Variants in EIF3A observed in about 807,000 individuals in gnomAD.
EIF3A encodes eukaryotic translation initiation factor 3 subunit A.
In EIF3A, 21 loss-of-function variants were observed where a neutral mutation model predicts 186.6. That is an observed-to-expected ratio of 0.11 (90% CI 0.08 to 0.16). EIF3A has a LOEUF of 0.16. EIF3A is among the 10% of genes least tolerant of loss of function. The probability of loss-of-function intolerance (pLI) is 1.00; values close to 1 mark genes in which losing one functional copy is unlikely to be tolerated. For synonymous variants in EIF3A, 563 were observed against 584.3 expected (o/e 0.96, Z 0.52); for missense variants, 1,306 against 1,796.3 (o/e 0.73, Z 4.93).
intron 7 of EIF3A, among the ~76,000 whole-genome samples, chr10:119,062,366 C>T (rs1358466100): frequency 6.6e-6 from 1 of 152,208 alleles, no homozygotes. Context: ...TTAAAAGTCA[C>T]TCTTAGGAAT....
chr10:119,044,115 C>G lies in EIF3A; in HGVS notation c.2686G>C (p.Glu896Gln). ...KDSRWGDRDSEGTWRKGPEAD... is the reference protein window; with the variant it reads ...KDSRWGDRDSQGTWRKGPEAD... Reference sequence around the variant, plus strand: ...TCAGGTCCTTTTCTCCAGGTGCCTTCTGAATCTCTATCTCCCCAACGAGAG... The same window carrying G: ...TCAGGTCCTTTTCTCCAGGTGCCTTGTGAATCTCTATCTCCCCAACGAGAG... The change falls in exon 18 of 22, where the codon GAA becomes CAA. Residue 896 changes from glutamate (E) to glutamine (Q), a missense_variant. Physicochemically the swap from Glu to Gln is conservative, Grantham distance 29 (BLOSUM62 2). Around this residue, in one of 8 missense-constraint regions of EIF3A, gnomAD observed 410 missense variants for 473.5 expected, o/e 0.87. Coordinates refer to ENST00000369144, the MANE Select transcript of EIF3A (RefSeq NM_003750.4). 1.9e-6 allele frequency: 3 copies of G among 1,614,040 alleles called. No homozygotes were observed. The highest frequency in any genetic ancestry group is 2.5e-6 in the Non-Finnish European group (3 of 1,179,880).
Position 119,080,790 on chromosome 10 carries a change from C to A in EIF3A, c.-114G>T. The A allele has an allele frequency of 7.0e-7, 1 of 1,437,830 alleles. No individual in the cohort carries two copies. Among genetic ancestry groups the A allele is most frequent in the Non-Finnish European group, 9.2e-7 (1 of 1,091,268 alleles). 89.1% of individuals were successfully genotyped at this position (1,437,830 alleles called of 1,614,324 possible). On this transcript the variant is annotated 5_prime_UTR_variant, in exon 1 of 22. Transcript: ENST00000369144. ...CCCACGCGCCTCGCCAGCAGTCGCC[C>A]GCGCCCAGCCGGCCAGAGACGGAAA... is the stretch of plus-strand genomic sequence containing the variant.
chr10:119,064,457 T>C (rs10787903), intron 7 of EIF3A, among the ~76,000 whole-genome samples: 75,795 of 151,886 alleles, frequency 0.5, 20,232 homozygotes, highest in Middle Eastern at 0.67. Context: ...ACCATCCCCG[T>C]AGGCCCATCC....
At chr10:119,040,397 T>TGGACAGTGATGCCCCTGAA (rs1848192011) in intron 19 of EIF3A, among the ~76,000 whole-genome samples, 1 of 152,158 alleles carries the variant, frequency 6.6e-6, no homozygotes, top group East Asian at 1.9e-4. Context: ...GACAGTTAGA[T>TGGACAGTGATGCCCCTGAA]GGACAGTGAT....
chr10:119,065,604 T>G (rs1843959873), intron 6 of EIF3A, 34 bp from the exon 7 acceptor site: 2 of 1,480,216 alleles, frequency 1.4e-6, no homozygotes, highest in Admixed American at 3.8e-5. Context: ...CTGTTAGGTT[T>G]GTAAATGATA....
intron 17 of EIF3A, among the ~76,000 whole-genome samples, chr10:119,047,197 G>GGCGGAGGTTGCAGTGA (rs1848292694): frequency 6.6e-6 from 1 of 152,182 alleles, no homozygotes; most frequent in Admixed American, 6.5e-5. Flanking sequence ...GAAACTGGGA[G>GGCGGAGGTTGCAGTGA]GCGGAGGTTG....
At chr10:119,051,469 G>T in intron 14 of EIF3A, 148 bp from the exon 15 acceptor site, 1 of 713,444 alleles carries the variant, frequency 1.4e-6, no homozygotes, top group African/African-American at 1.9e-5. Context: ...CTACATCCAT[G>T]TCAATAGGTC....
chr10:119,065,984 T>C lies in EIF3A; in HGVS notation c.951-414A>G, dbSNP rs560789115. On this transcript the variant is annotated intron_variant, in intron 6 of 21. Transcript: ENST00000369144. ...ACAAAAAATTAGCCAGGCGTAGTGGTGGGCGCCTGTAGTCCCAGCTACTCA... is the reference window on the plus strand; with the variant it reads ...ACAAAAAATTAGCCAGGCGTAGTGGCGGGCGCCTGTAGTCCCAGCTACTCA... Among the ~76,000 whole-genome samples, 103 of 151,836 alleles carry C rather than the reference T, an allele frequency of 6.8e-4. 3 individuals are homozygous for C. The South Asian group carries it at 7.1e-3, about 10-fold the overall frequency.
rs867942878 is a variant in EIF3A, at chr10:119,038,415, G to A, written c.3551C>T (p.Ala1184Val). 1 of 1,613,210 alleles carries A rather than the reference G, an allele frequency of 6.2e-7. No homozygotes were observed. Among genetic ancestry groups the A allele is most frequent in the Admixed American group, 1.7e-5 (1 of 59,924 alleles). The change falls in exon 20 of 22, where the codon GCC (alanine) becomes GTC (valine). Residue 1184 changes from alanine to valine, a missense_variant. Ala to Val is a moderately conservative substitution (Grantham distance 64, BLOSUM62 0). Around this residue, in one of 8 missense-constraint regions of EIF3A, gnomAD observed 331 missense variants for 365.8 expected, o/e 0.90. Transcript: ENST00000369144. Reference protein sequence around the residue: ...KPGGWREKEKAREESWGPPRE... With the variant: ...KPGGWREKEKVREESWGPPRE... ...AGGTGGACCCCAGCTCTCCTCTCTG[G>A]CTTTTTCTTTCTCTCTCCATCCACC...
chr10:119,065,944 A>G lies in EIF3A; in HGVS notation c.951-374T>C, dbSNP rs11198749. 9.2e-3 allele frequency among the ~76,000 whole-genome samples: 1,399 copies of G among 151,954 alleles called. 23 individuals are homozygous for G. The highest frequency in any genetic ancestry group is 0.03 in the African/African-American group (1,235 of 41,456). On this transcript the variant is annotated intron_variant, in intron 6 of 21. Transcript: ENST00000369144. ...ATCCTGGCTAACACGGTGAAACCCCATCTCTACTAAAAATACAAAAAATTA... is the reference window on the plus strand; with the variant it reads ...ATCCTGGCTAACACGGTGAAACCCCGTCTCTACTAAAAATACAAAAAATTA...
Position 119,073,470 on chromosome 10 carries a change from C to T in EIF3A, c.348G>A (p.Glu116=), listed in dbSNP as rs768301919. 1.9e-6 allele frequency: 3 copies of T among 1,607,318 alleles called. No individual in the cohort carries two copies. The highest frequency in any genetic ancestry group is 1.1e-5 in the South Asian group (1 of 90,848). ...EESQQMVLDI[E]DLDNIQTPES... ...CAGGAGTTTGAATATTATCTAGATC[C>T]TCTATATCTAAGACCATCTGCTGAG... Residue 116 remains glutamate, a synonymous_variant, in exon 3 of 22, where the codon GAG becomes GAA. Transcript: ENST00000369144.
At chr10:119,038,109 G>A in intron 20 of EIF3A, 129 bp downstream of exon 20, 1 of 775,310 alleles carries the variant, frequency 1.3e-6, no homozygotes, top group Non-Finnish European at 2.2e-6. Context: ...TAGAGATGGG[G>A]TTTCACTATG....
chr10:119,055,132 C>T (rs1044696463), intron 14 of EIF3A, among the ~76,000 whole-genome samples: 12 of 152,028 alleles, frequency 7.9e-5, no homozygotes, highest in East Asian at 3.9e-4. Context: ...CACTTGAACC[C>T]GGCGGGGGCA....
intron 14 of EIF3A, among the ~76,000 whole-genome samples, chr10:119,055,018 C>T (rs1321260094): frequency 1.3e-5 from 2 of 151,976 alleles, no homozygotes. Flanking sequence ...AAGACCAGCC[C>T]AGCCAACACG....
intron 6 of EIF3A, among the ~76,000 whole-genome samples, chr10:119,067,885 A>T (rs1844005941): frequency 6.6e-6 from 1 of 151,802 alleles, no homozygotes; most frequent in Admixed American, 6.6e-5. Flanking sequence ...ATCTCAGCTC[A>T]CCACAAGCTA....
At chr10:119,045,089 C>T (rs980372726) in intron 17 of EIF3A, among the ~76,000 whole-genome samples, 7 of 151,780 alleles carry the variant, frequency 4.6e-5, no homozygotes, top group African/African-American at 9.7e-5. Context: ...GGACTACAAG[C>T]GCCTGCCTCC....
At chr10:119,051,140 C>A (rs1848350626) in intron 15 of EIF3A, 59 bp downstream of exon 15, 1 of 1,497,112 alleles carries the variant, frequency 6.7e-7, no homozygotes, top group Non-Finnish European at 9.0e-7. Flanking sequence ...AAGGGAGAAC[C>A]CTTAGGCCAA....
At position 119,042,914 on chromosome 10, in the gene EIF3A, A is replaced by ATT; in HGVS notation, c.2748-143_2748-142insAA. 2.3e-6 allele frequency: 2 copies of ATT among 879,748 alleles called. No homozygotes were observed. The highest frequency in any genetic ancestry group is 3.3e-6 in the Non-Finnish European group (2 of 600,832). 54.5% of individuals were successfully genotyped at this position (879,748 alleles called of 1,614,324 possible). ...GCACCTTTAATCCCAGCACTCTGGGAAGCAGAGGCAGGCAGATCACCTGAG... is the reference window on the plus strand; with the variant it reads ...GCACCTTTAATCCCAGCACTCTGGGATTAGCAGAGGCAGGCAGATCACCTGAG... On this transcript the variant is annotated intron_variant, in intron 18 of 21. Coordinates refer to ENST00000369144, the MANE Select transcript of EIF3A (RefSeq NM_003750.4). The surrounding 1 kb of genome is among the most constrained non-coding windows in gnomAD (Gnocchi z 7.8).
In EIF3A at chr10:119,075,172, G is replaced by A. The variant is rs184005272; in HGVS notation, c.50-1235C>T. Among the ~76,000 whole-genome samples, 423 of 151,612 alleles carry A rather than the reference G, an allele frequency of 2.8e-3. 1 individual carries two copies. Among genetic ancestry groups the A allele is most frequent in the Middle Eastern group, 0.014 (4 of 294 alleles). ...AGACAGGGTATCACCATCTTGGCCA[G>A]GCTGGTCTCGAACTCCTGACCTCAT... On this transcript the variant is annotated intron_variant, in intron 1 of 21. Transcript: ENST00000369144.
Sources: allele counts gnomAD v4.1 joint callset (sites outside exome capture counted in the v4.1 genomes callset), GRCh38; gene constraint gnomAD v4.1.1; regional missense constraint gnomAD v4.1.1; non-coding constraint Gnocchi (gnomAD v3.1); transcripts MANE v1.5; gene names NCBI Gene and HGNC (gene_info 2026-07-23, HGNC 2026-07-21).